Variants in TRIM15 observed in about 807,000 individuals in gnomAD.
TRIM15 encodes the protein E3 ubiquitin-protein ligase TRIM15.
TRIM15 carries 35 observed loss-of-function variants against 35.8 expected under a neutral mutation model. The ratio of observed to expected loss-of-function variants is 0.98; its 90% CI spans 0.75 to 1.30. TRIM15 has a LOEUF of 1.30. TRIM15 is among the 50% of genes most tolerant of loss of function. The pLI, the probability that TRIM15 is intolerant of heterozygous loss-of-function variation, is 0.00. For synonymous variants in TRIM15, 252 were observed against 249.8 expected, an observed-to-expected ratio of 1.01 and a Z score of -0.08; for missense variants, 590 against 593.5, an observed-to-expected ratio of 0.99 and a Z score of 0.06.
chr6:30,164,205 C>T, intron 1 of TRIM15, 140 bp downstream of exon 1: 1 of 1,261,438 alleles, frequency 7.9e-7, no homozygotes, highest in Non-Finnish European at 1.1e-6. Flanking sequence ...GAGGCATTCC[C>T]AGACTGAAGG....
chr6:30,169,878 G>A, intron 4 of TRIM15: 1 of 220,968 alleles, frequency 4.5e-6, no homozygotes, highest in Non-Finnish European at 9.1e-6. Flanking sequence ...TCCCGTGCAG[G>A]GAGGATAAAC....
intron 2 of TRIM15, 38 bp downstream of exon 2, chr6:30,167,309 G>C: frequency 1.9e-6 from 3 of 1,559,314 alleles, no homozygotes; most frequent in Non-Finnish European, 2.7e-6. Context: ...TCCTTTGAAG[G>C]TTTTCTTAAG....
chr6:30,172,103 C>G lies in TRIM15; in HGVS notation c.1152C>G (p.Asp384Glu). 6.3e-7 allele frequency: 1 copy of G among 1,577,762 alleles called. No individual in the cohort carries two copies. Among genetic ancestry groups the G allele is most frequent in the South Asian group, 1.2e-5 (1 of 86,890 alleles). Residue 384 changes from aspartate (D) to glutamate (E), a missense_variant, in exon 7 of 7, where the codon GAC becomes GAG. By Grantham distance (45) the Asp-to-Glu change is conservative. Transcript: ENST00000376694. ...GAGAGATGGGACTCAGCGCCGAGGACGGCGTCTGGGCCGTGATCATCTCGC... is the reference window on the plus strand; with the variant it reads ...GAGAGATGGGACTCAGCGCCGAGGAGGGCGTCTGGGCCGTGATCATCTCGC... ...RKGEMGLSAE[D>E]GVWAVIISHQ...
Position 30,163,837 on chromosome 6 carries a change from G to T in TRIM15, c.153G>T (p.Ser51=). The T allele has an allele frequency of 3.7e-6, 6 of 1,612,994 alleles. No homozygotes were observed. Among genetic ancestry groups the T allele is most frequent in the Non-Finnish European group, 5.1e-6 (6 of 1,180,016 alleles). The part of the protein sequence containing the change: ...PALSQMGAQS[S]GKILLCPLCQ... Reference sequence around the variant, plus strand: ...TCTCCCAGATGGGGGCCCAATCCTCGGGCAAGATCCTGCTCTGCCCGCTCT... The same window carrying T: ...TCTCCCAGATGGGGGCCCAATCCTCTGGCAAGATCCTGCTCTGCCCGCTCT... The change falls in exon 1 of 7, where the codon TCG becomes TCT. Residue 51 remains serine (S), a synonymous_variant. Coordinates refer to ENST00000376694, the MANE Select transcript of TRIM15 (RefSeq NM_033229.3).
Position 30,163,707 on chromosome 6 carries a change from A to T in TRIM15, c.23A>T (p.Lys8Met). MPATPSL[K>M]VVHELPACTL... is the part of the protein sequence containing the mutation. ...GTGATGCCCGCAACCCCGTCCCTGA[A>T]GGTGGTCCATGAGCTGCCTGCCTGT... Residue 8 changes from lysine (K) to methionine (M), a missense_variant, in exon 1 of 7, where the codon AAG (lysine) becomes ATG (methionine). By Grantham distance (95) the Lys-to-Met change is moderately conservative (BLOSUM62 -1). Transcript: ENST00000376694. 6.2e-7 allele frequency: 1 copy of T among 1,611,024 alleles called. No homozygotes were observed. The highest frequency in any genetic ancestry group is 8.5e-7 in the Non-Finnish European group (1 of 1,178,754).
In TRIM15 at chr6:30,163,979, G is replaced by A. The variant is rs1229267094; in HGVS notation, c.295G>A (p.Glu99Lys). ...KIYFFCENDA[E>K]FLCVFCREGP... is the part of the protein sequence containing the mutation. ...CTACTTCTTCTGCGAGAACGATGCC[G>A]AGTTCCTCTGTGTGTTCTGCAGGGA... Residue 99 changes from glutamate (E) to lysine (K), a missense_variant, in exon 1 of 7, where the codon GAG (glutamate) becomes AAG (lysine). Transcript: ENST00000376694. 7 of 1,613,016 alleles carry A rather than the reference G, an allele frequency of 4.3e-6. No homozygotes were observed. Among genetic ancestry groups the A allele is most frequent in the African/African-American group, 1.3e-5 (1 of 74,946 alleles).
rs1773973149 is a variant in TRIM15 at position 30,170,981 on chromosome 6, T to C, written c.853T>C (p.Leu285=). 2.5e-6 allele frequency: 4 copies of C among 1,611,114 alleles called. No homozygotes were observed. Among genetic ancestry groups the C allele is most frequent in the Admixed American group, 1.7e-5 (1 of 59,522 alleles). ...PEMMRMFSEN[L]AHHLEIDSGV... ...TCTATTTCTGCTTCCCTCAGAAAACTTGGCGCATCATCTGGAAATAGATTC... is the reference window on the plus strand; with the variant it reads ...TCTATTTCTGCTTCCCTCAGAAAACCTGGCGCATCATCTGGAAATAGATTC... The change falls in exon 6 of 7, where the codon TTG becomes CTG. Residue 285 remains leucine, a synonymous_variant. Transcript: ENST00000376694.
intron 1 of TRIM15, among the ~76,000 whole-genome samples, chr6:30,165,625 G>A (rs1389610754): frequency 2.0e-5 from 3 of 152,156 alleles, no homozygotes; most frequent in African/African-American, 7.2e-5. Context: ...CCCAGTAATG[G>A]GATTGCCAGG....
At chr6:30,169,846 T>G (rs1773885936) in intron 4 of TRIM15, 1 of 250,612 alleles carries the variant, frequency 4.0e-6, no homozygotes. Flanking sequence ...TAGGGAACAA[T>G]TGTCACGTGC....
At position 30,167,187 on chromosome 6, in the gene TRIM15, G is replaced by T; in HGVS notation, c.393G>T (p.Arg131Ser). Residue 131 changes from arginine to serine, a missense_variant, in exon 2 of 7, where the codon AGG (arginine) becomes AGT (serine). By Grantham distance (110) the Arg-to-Ser change is moderately radical. Transcript: ENST00000376694. ...TCTTCTCCCCACAGGATCGTCTCAG[G>T]AGTCGACTGGAAGCTCTGAGCACGG... ...EAIQPYRDRL[R>S]SRLEALSTER... 6.2e-7 allele frequency: 1 copy of T among 1,612,948 alleles called. No homozygotes were observed. Among genetic ancestry groups the T allele is most frequent in the Non-Finnish European group, 8.5e-7 (1 of 1,179,956 alleles).
At chr6:30,165,520 G>A (rs993009850) in intron 1 of TRIM15, among the ~76,000 whole-genome samples, 1 of 152,162 alleles carries the variant, frequency 6.6e-6, no homozygotes. Context: ...CATTTGGGTT[G>A]GTTCCAAGTC....
At chr6:30,170,637 GT>G in intron 5 of TRIM15, 21 bp downstream of exon 5, 1 of 1,581,684 alleles carries the variant, frequency 6.3e-7, no homozygotes, top group East Asian at 2.2e-5. Flanking sequence ...AGGCGCCACA[GT>G]TTTCCCCAGT....
At chr6:30,168,233 T>C (rs1313026768) in intron 2 of TRIM15, 67 bp from the exon 3 acceptor site, 2 of 1,366,730 alleles carry the variant, frequency 1.5e-6, no homozygotes, top group African/African-American at 1.4e-5. Context: ...AATAAGTATA[T>C]AGATGATCAT....
chr6:30,172,007 G>C lies in TRIM15; in HGVS notation c.1056G>C (p.Gln352His). ...PGFSSGRHRWQVDLQLGDGGG... is the reference protein window; with the variant it reads ...PGFSSGRHRWHVDLQLGDGGG... Reference sequence around the variant, plus strand: ...TCTCCTCCGGGCGCCACCGCTGGCAGGTTGACCTGCAGCTGGGCGACGGCG... The same window carrying C: ...TCTCCTCCGGGCGCCACCGCTGGCACGTTGACCTGCAGCTGGGCGACGGCG... The change falls in exon 7 of 7, where the codon CAG (glutamine) becomes CAC (histidine). Residue 352 changes from glutamine to histidine, a missense_variant. By Grantham distance (24) the Gln-to-His change is conservative. Coordinates refer to ENST00000376694, the MANE Select transcript of TRIM15 (RefSeq NM_033229.3). The C allele has an allele frequency of 6.3e-7, 1 of 1,577,908 alleles. No individual in the cohort carries two copies. Among genetic ancestry groups the C allele is most frequent in the East Asian group, 2.3e-5 (1 of 43,126 alleles).
rs1774039254 is a variant in TRIM15 at position 30,171,868 on chromosome 6, GC to G, written c.919del (p.Leu307TrpfsTer10). On this transcript the variant is annotated frameshift_variant, in exon 7 of 7. Coordinates refer to ENST00000376694, the MANE Select transcript of TRIM15 (RefSeq NM_033229.3). LOFTEE classifies it low-confidence loss of function (END_TRUNC). ...CTGGACCCTCAGACCGCCAGCCGGA[GC>G]CTGGTTCTCTCGGAAGACAGGAAGT... Reference protein sequence around the residue: ...ITLDPQTASRSLVLSEDRKSV... With the variant: ...ITLDPQTASRXLVLSEDRKSV... The G allele has an allele frequency of 6.3e-7, 1 of 1,590,726 alleles. No homozygotes were observed. The highest frequency in any genetic ancestry group is 1.3e-5 in the African/African-American group (1 of 74,296).
rs949541119 is a variant in TRIM15 at position 30,168,612 on chromosome 6, G to A, written c.708+82G>A. On this transcript the variant is annotated intron_variant, in intron 3 of 6. Transcript: ENST00000376694. ...TGGGCACCATGCTTTGGGCTGGAGA[G>A]AGGCAGGAAAGGGAAGTGGAGAGAG... The A allele has an allele frequency of 1.1e-5, 15 of 1,353,854 alleles. 1 individual carries two copies. The highest frequency in any genetic ancestry group is 1.5e-5 in the Non-Finnish European group (15 of 974,672). The allele number at this position is 1,353,854 out of a possible 1,614,324, so 83.9% of individuals were successfully genotyped here.
chr6:30,166,061 C>G (rs1773571716), intron 1 of TRIM15, among the ~76,000 whole-genome samples: 1 of 152,186 alleles, frequency 6.6e-6, no homozygotes. Flanking sequence ...GTTGCCTGTT[C>G]ACTCTGATGA....
chr6:30,170,595 G>A lies in TRIM15; in HGVS notation c.826G>A (p.Glu276Lys). ...CCACAGGAAAATACTCACCCTCCCA[G>A]AGATGATGAGGATGTTCTCAGGTAA... ...DFHRKILTLP[E>K]MMRMFSENLA... is the part of the protein sequence containing the mutation. The change falls in exon 5 of 7, where the codon GAG becomes AAG. Residue 276 changes from glutamate (E) to lysine (K), a missense_variant. By Grantham distance (56) the Glu-to-Lys change is moderately conservative. Coordinates refer to ENST00000376694, the MANE Select transcript of TRIM15 (RefSeq NM_033229.3). 1 of 1,613,958 alleles carries A rather than the reference G, an allele frequency of 6.2e-7. No homozygotes were observed. The highest frequency in any genetic ancestry group is 2.2e-5 in the East Asian group (1 of 44,888).
intron 1 of TRIM15, among the ~76,000 whole-genome samples, chr6:30,164,287 C>T (rs1474196572): frequency 6.6e-6 from 1 of 152,134 alleles, no homozygotes; most frequent in Non-Finnish European, 1.5e-5. Context: ...TCTCAGAGGA[C>T]CCCACAGAGG....
Sources: gnomAD v4.1 joint callset for allele counts (sites outside exome capture counted in the v4.1 genomes callset) on GRCh38, gnomAD v4.1.1 for gene constraint, MANE v1.5 for transcripts, NCBI Gene and HGNC (gene_info 2026-07-23, HGNC 2026-07-21) for gene names.